The following KANK1 variants were observed in gnomAD, a reference collection of about 807,000 sequenced individuals.
The protein encoded by KANK1 is KN motif and ankyrin repeat domain-containing protein 1.
Under a neutral mutation model 106.2 loss-of-function variants are expected in KANK1, and 109 were observed. That is an observed-to-expected ratio of 1.03 (90% CI 0.88 to 1.20). The LOEUF is 1.20. Among genes scored for constraint, KANK1 ranks in the 50% most tolerant of loss-of-function variants. The pLI is 0.00. For missense variants in KANK1, 2,399 were observed against 1,710.7 expected, an observed-to-expected ratio of 1.40 and a Z score of -7.10; for synonymous variants, 873 against 652.2, an observed-to-expected ratio of 1.34 and a Z score of -5.16.
chr9:623,041 G>A (rs984883663), intron 1 of KANK1, among the ~76,000 whole-genome samples: 1 of 152,176 alleles, frequency 6.6e-6, no homozygotes, highest in Non-Finnish European at 1.5e-5. Flanking sequence ...GGCAACAAAA[G>A]CAAAAACATA....
chr9:590,967 C>A (rs559754176), intron 1 of KANK1, among the ~76,000 whole-genome samples: 2 of 151,956 alleles, frequency 1.3e-5, no homozygotes, highest in South Asian at 4.1e-4. Flanking sequence ...CGAGAGGTCT[C>A]TTTTCCCACA....
chr9:702,556 A>G (rs1393174975), intron 2 of KANK1, among the ~76,000 whole-genome samples: 2 of 152,188 alleles, frequency 1.3e-5, no homozygotes, highest in Non-Finnish European at 2.9e-5. Flanking sequence ...TGCCTTTATT[A>G]TCAATATCAA....
intron 1 of KANK1, among the ~76,000 whole-genome samples, chr9:543,661 T>G: frequency 6.6e-6 from 1 of 152,314 alleles, no homozygotes; most frequent in Middle Eastern, 3.4e-3. Flanking sequence ...AATGACTTGT[T>G]CTCATTTCAC....
chr9:618,027 A>T (rs1029051215), intron 1 of KANK1, among the ~76,000 whole-genome samples: 12 of 152,174 alleles, frequency 7.9e-5, no homozygotes, highest in Non-Finnish European at 1.0e-4. Context: ...CTGCCTCCTA[A>T]TATAATTTAC....
intron 1 of KANK1, among the ~76,000 whole-genome samples, chr9:598,454 A>G (rs566711109): frequency 6.6e-6 from 1 of 151,404 alleles, no homozygotes; most frequent in Admixed American, 6.6e-5. Context: ...TTGGAGTAAT[A>G]TTGTCATCTT....
intron 3 of KANK1, among the ~76,000 whole-genome samples, chr9:729,089 T>C (rs866893072): frequency 5.3e-5 from 8 of 152,232 alleles, no homozygotes; most frequent in Non-Finnish European, 1.0e-4. Flanking sequence ...TTTGACTCTT[T>C]TCATTGACAT....
chr9:515,558 A>T (rs1217024991), intron 1 of KANK1, among the ~76,000 whole-genome samples: 2 of 151,786 alleles, frequency 1.3e-5, no homozygotes, highest in Non-Finnish European at 2.9e-5. Context: ...GAATTAAGGT[A>T]TTTAAAGGAT....
chr9:473,254 A>G (rs893330226), exon 3 of KANK1: 1 of 152,234 alleles, frequency 6.6e-6, no homozygotes, highest in Non-Finnish European at 1.5e-5. Flanking sequence ...CTCAGTAAAT[A>G]GCAGAGACAG....
intron 1 of KANK1, among the ~76,000 whole-genome samples, chr9:555,177 A>T (rs1292304359): frequency 2.2e-4 from 29 of 133,796 alleles, no homozygotes; most frequent in Admixed American, 2.0e-3. Context: ...GCTGGCCAGT[A>T]GCTAATCCCT....
chr9:689,632 G>T (rs151093425), intron 2 of KANK1, among the ~76,000 whole-genome samples: 113 of 152,286 alleles, frequency 7.4e-4, no homozygotes, highest in African/African-American at 2.5e-3. Context: ...TGAAAGAGAT[G>T]GGTGGAGAAG....
chr9:522,697 G>A (rs1262090092), intron 1 of KANK1, among the ~76,000 whole-genome samples: 1 of 151,680 alleles, frequency 6.6e-6, no homozygotes. Context: ...GGGTTTTTAA[G>A]TTGGTATTTT....
At chr9:521,174 A>G (rs2059531775) in intron 1 of KANK1, among the ~76,000 whole-genome samples, 1 of 151,786 alleles carries the variant, frequency 6.6e-6, no homozygotes, top group Non-Finnish European at 1.5e-5. Flanking sequence ...AAAGTCATAC[A>G]TTGCTGTGAG....
intron 1 of KANK1, among the ~76,000 whole-genome samples, chr9:601,611 A>AT (rs769746871): frequency 3.3e-5 from 5 of 151,830 alleles, no homozygotes; most frequent in Non-Finnish European, 7.3e-5. Flanking sequence ...TGCTAGTGCT[A>AT]TTCGTGTGGA....
intron 2 of KANK1, among the ~76,000 whole-genome samples, chr9:678,540 C>T (rs1816857729): frequency 6.6e-6 from 1 of 151,976 alleles, no homozygotes; most frequent in African/African-American, 2.4e-5. Flanking sequence ...ACCAGCCTGG[C>T]CAACATGACG....
chr9:600,402 A>C (rs1285260428), intron 1 of KANK1, among the ~76,000 whole-genome samples: 1 of 151,868 alleles, frequency 6.6e-6, no homozygotes, highest in Non-Finnish European at 1.5e-5. Context: ...ATTCCATTGT[A>C]GCATCACATT....
chr9:482,108 G>A lies in KANK1; in HGVS notation c.-362+8835G>A, dbSNP rs935924300. 5.9e-5 allele frequency among the ~76,000 whole-genome samples: 9 copies of A among 152,098 alleles called. 1 individual carries two copies. Among genetic ancestry groups the A allele is most frequent in the African/African-American group, 2.2e-4 (9 of 41,492 alleles). On this transcript the variant is annotated intron_variant, in intron 3 of 15. Transcript: ENST00000382303. ...CTTAGGGTCACAGTTCCCACAGCTG[G>A]GCCCTACCACCTGCAGTCAGAGCCC...
intron 1 of KANK1, among the ~76,000 whole-genome samples, chr9:671,236 G>A (rs75964371): frequency 6.9e-6 from 1 of 145,774 alleles, no homozygotes; most frequent in Non-Finnish European, 1.5e-5. Flanking sequence ...TTTTTTTTTT[G>A]TTTGTTTTTT....
At chr9:494,231 C>G (rs2058424253) in intron 3 of KANK1, among the ~76,000 whole-genome samples, 1 of 152,214 alleles carries the variant, frequency 6.6e-6, no homozygotes, top group South Asian at 2.1e-4. Context: ...TTATTGGGCT[C>G]AAGCCCAATT....
chr9:542,049 A>G (rs1440613009), intron 1 of KANK1, among the ~76,000 whole-genome samples: 1 of 151,950 alleles, frequency 6.6e-6, no homozygotes, highest in African/African-American at 2.4e-5. Flanking sequence ...AGATCGCGCC[A>G]CTGCACTCCA....
Sources: gnomAD v4.1 joint callset for allele counts (sites outside exome capture counted in the v4.1 genomes callset) on GRCh38, gnomAD v4.1.1 for gene constraint, MANE v1.5 for transcripts, NCBI Gene and HGNC (gene_info 2026-07-23, HGNC 2026-07-21) for gene names.